The following PHLPP1 variants were observed in gnomAD, a reference collection of about 807,000 sequenced individuals.
The protein encoded by PHLPP1 is PH domain and leucine rich repeat protein phosphatase 1, also known as PH domain leucine-rich repeat-containing protein phosphatase 1.
A neutral mutation model predicts 117.2 loss-of-function variants in PHLPP1; 42 were observed. The observed-to-expected ratio is 0.36, with a 90% confidence interval of 0.28 to 0.46. PHLPP1 has a LOEUF of 0.46. PHLPP1 is among the 20% of genes least tolerant of loss of function. PHLPP1 has a pLI of 1.00. For synonymous variants in PHLPP1, 1,042 were observed against 970.7 expected, an observed-to-expected ratio of 1.07 and a Z score of -1.37; for missense variants, 2,084 against 2,241.9, an observed-to-expected ratio of 0.93 and a Z score of 1.42.
In PHLPP1 at chr18:62,778,850, T is replaced by G. The variant is rs916384136; in HGVS notation, c.1577-51185T>G. 2.0e-5 allele frequency among the ~76,000 whole-genome samples: 3 copies of G among 152,266 alleles called. No individual in the cohort carries two copies. The South Asian group carries it at 6.2e-4, about 31-fold the overall frequency. ...ATGTGGTATAGATTTTGAGTCATTC[T>G]TTAGCATATTTGCTCATATTATGCT... On this transcript the variant is annotated intron_variant, in intron 1 of 16. Coordinates refer to ENST00000262719, the MANE Select transcript of PHLPP1 (RefSeq NM_194449.4).
intron 10 of PHLPP1, among the ~76,000 whole-genome samples, chr18:62,937,922 G>T (rs1320673430): frequency 6.6e-6 from 1 of 152,258 alleles, no homozygotes; most frequent in Admixed American, 6.5e-5. Flanking sequence ...TAAGGTGGGA[G>T]AATTGCTTGA....
chr18:62,859,977 A>C (rs1041194829), intron 3 of PHLPP1, among the ~76,000 whole-genome samples: 2 of 152,218 alleles, frequency 1.3e-5, no homozygotes, highest in Non-Finnish European at 2.9e-5. Flanking sequence ...ATGTGTTGTT[A>C]GGCAGTTTCT....
intron 2 of PHLPP1, among the ~76,000 whole-genome samples, chr18:62,832,610 G>C (rs1235964557): frequency 6.6e-6 from 1 of 152,096 alleles, no homozygotes; most frequent in African/African-American, 2.4e-5. Context: ...AGCAAAACTT[G>C]TAAAACCTGT....
At chr18:62,781,966 C>G (rs1382907166) in intron 1 of PHLPP1, among the ~76,000 whole-genome samples, 2 of 152,190 alleles carry the variant, frequency 1.3e-5, no homozygotes, top group African/African-American at 2.4e-5. Flanking sequence ...GCCTCCATCA[C>G]AAATAACACT....
rs192763589 is a variant in PHLPP1, at chr18:62,946,780, G to T, written c.3324+1509G>T. Among the ~76,000 whole-genome samples, 779 of 152,240 alleles carry T rather than the reference G, an allele frequency of 5.1e-3. 11 individuals carry two copies. Among genetic ancestry groups the T allele is most frequent in the African/African-American group, 0.017 (706 of 41,544 alleles). On this transcript the variant is annotated intron_variant, in intron 12 of 16. Coordinates refer to ENST00000262719, the MANE Select transcript of PHLPP1 (RefSeq NM_194449.4). ...ATAAATTTCCAGAATTTGGCTGGGC[G>T]CGGTGGCTCACGCCGGTAATCCCAG...
rs757636726 is a variant in PHLPP1 at position 62,978,254 on chromosome 18, T to G, written c.3985-8T>G. 1 of 1,562,018 alleles carries G rather than the reference T, an allele frequency of 6.4e-7. No individual in the cohort carries two copies. The highest frequency in any genetic ancestry group is 1.1e-5 in the South Asian group (1 of 87,142). ...TAACTGTCTGTCTGCAAACCCTTGT[T>G]CTTCCAGGATGGCAAGGTGAACGGA... On this transcript the variant is annotated splice_polypyrimidine_tract_variant and splice_region_variant and intron_variant, in intron 16 of 16. Coordinates refer to ENST00000262719, the MANE Select transcript of PHLPP1 (RefSeq NM_194449.4). This position sits in a 1 kb window ranked among gnomAD's most constrained non-coding sequence, Gnocchi z 7.0.
intron 1 of PHLPP1, among the ~76,000 whole-genome samples, chr18:62,752,252 C>T (rs1380173630): frequency 2.6e-5 from 4 of 152,004 alleles, no homozygotes; most frequent in African/African-American, 4.8e-5. Context: ...AGGCCCCCCG[C>T]GCCCCCACCC....
intron 14 of PHLPP1, among the ~76,000 whole-genome samples, chr18:62,967,200 GCAAA>G (rs1471967123): frequency 1.3e-5 from 2 of 152,218 alleles, no homozygotes; most frequent in African/African-American, 4.8e-5. Context: ...GCTACAGGTT[GCAAA>G]CAGTTACATA....
chr18:62,722,764 TTATGA>T (rs1159084173), intron 1 of PHLPP1, among the ~76,000 whole-genome samples: 1 of 152,202 alleles, frequency 6.6e-6, no homozygotes, highest in Non-Finnish European at 1.5e-5. Flanking sequence ...CTCCAGAAAC[TTATGA>T]TAAATTGAAA....
intron 1 of PHLPP1, among the ~76,000 whole-genome samples, chr18:62,776,513 C>G (rs1912959928): frequency 6.6e-6 from 1 of 152,094 alleles, no homozygotes; most frequent in Admixed American, 6.5e-5. Flanking sequence ...TGAGCCATCA[C>G]TTACTCTTTT....
chr18:62,871,292 T>G (rs1395141889), intron 4 of PHLPP1, among the ~76,000 whole-genome samples: 1 of 152,150 alleles, frequency 6.6e-6, no homozygotes, highest in East Asian at 1.9e-4. Context: ...TTTACTGCCC[T>G]GGTAAATTCA....
Position 62,718,428 on chromosome 18 carries a change from G to C in PHLPP1, c.1576+1169G>C, listed in dbSNP as rs530079716. On this transcript the variant is annotated intron_variant, in intron 1 of 16. Coordinates refer to ENST00000262719, the MANE Select transcript of PHLPP1 (RefSeq NM_194449.4). ...TGGCAATTTAATTAGTTTGCATGAA[G>C]AAATCTTTACATCTTTACTCCCACA... is the stretch of plus-strand genomic sequence containing the variant. Among the ~76,000 whole-genome samples, 46 of 152,296 alleles carry C rather than the reference G, an allele frequency of 3.0e-4. No individual in the cohort carries two copies. In the East Asian group the frequency reaches 8.5e-3, roughly 28 times the overall value.
At chr18:62,758,767 A>G (rs116874340) in intron 1 of PHLPP1, among the ~76,000 whole-genome samples, 300 of 151,954 alleles carry the variant, frequency 2.0e-3, no homozygotes, top group Middle Eastern at 3.4e-3. Context: ...GAAACAAAAC[A>G]AAACAAAACA....
intron 3 of PHLPP1, among the ~76,000 whole-genome samples, chr18:62,843,310 A>G (rs1225336898): frequency 6.6e-6 from 1 of 152,218 alleles, no homozygotes; most frequent in Non-Finnish European, 1.5e-5. Flanking sequence ...GGCAAAAAAG[A>G]AACAAATTTC....
chr18:62,764,936 G>A (rs904560579), intron 1 of PHLPP1, among the ~76,000 whole-genome samples: 4 of 152,112 alleles, frequency 2.6e-5, no homozygotes, highest in South Asian at 2.1e-4. Flanking sequence ...TACTGTCGTC[G>A]TTCTTTTCCA....
intron 10 of PHLPP1, among the ~76,000 whole-genome samples, chr18:62,938,321 G>T (rs1910032142): frequency 1.3e-5 from 2 of 152,082 alleles, no homozygotes; most frequent in African/African-American, 4.8e-5. Context: ...AGCAGAGAGT[G>T]GGGTTCTGGA....
intron 14 of PHLPP1, among the ~76,000 whole-genome samples, chr18:62,971,758 T>G (rs1379202127): frequency 6.6e-6 from 1 of 152,176 alleles, no homozygotes; most frequent in African/African-American, 2.4e-5. Context: ...ATTTGAAGGC[T>G]GGACATAGTG....
chr18:62,891,591 A>AG (rs1008556749), intron 4 of PHLPP1, among the ~76,000 whole-genome samples: 1 of 152,038 alleles, frequency 6.6e-6, no homozygotes, highest in Non-Finnish European at 1.5e-5. Flanking sequence ...TCTCAAAAAA[A>AG]GAAAAGAAAT....
At chr18:62,959,329 A>G (rs141776277) in intron 13 of PHLPP1, among the ~76,000 whole-genome samples, 284 of 152,374 alleles carry the variant, frequency 1.9e-3, no homozygotes, top group African/African-American at 6.5e-3. Flanking sequence ...TGCTAACTCA[A>G]AAGATCTTTA....
Sources: gnomAD v4.1 joint callset for allele counts (sites outside exome capture counted in the v4.1 genomes callset) on GRCh38, gnomAD v4.1.1 for gene constraint, Gnocchi (gnomAD v3.1) non-coding constraint, MANE v1.5 for transcripts, NCBI Gene and HGNC (gene_info 2026-07-23, HGNC 2026-07-21) for gene names.